The following PLEKHG1 variants were observed in gnomAD, a reference collection of about 807,000 sequenced individuals.
PLEKHG1 encodes pleckstrin homology and RhoGEF domain containing G1.
PLEKHG1 carries 44 observed loss-of-function variants against 100.8 expected under a neutral mutation model. The observed-to-expected ratio is 0.44, with a 90% CI of 0.34 to 0.56. PLEKHG1 has a LOEUF of 0.56. Ranked by LOEUF, PLEKHG1 falls within the 20% of genes least tolerant of loss-of-function variation. PLEKHG1 has a pLI of 0.01. For missense variants in PLEKHG1, 1,545 were observed against 1,720.9 expected (o/e 0.90, Z 1.81); for synonymous variants, 640 against 662.5 (o/e 0.97, Z 0.52).
intron 2 of PLEKHG1, among the ~76,000 whole-genome samples, chr6:150,755,087 C>A (rs1036363388): frequency 6.6e-6 from 1 of 152,052 alleles, no homozygotes; most frequent in Non-Finnish European, 1.5e-5. Context: ...GCAACCCTCC[C>A]GCCCTAGTTT....
Position 150,687,742 on chromosome 6 carries a change from C to T in PLEKHG1, c.-99+36956C>T, listed in dbSNP as rs538304664. 2.0e-5 allele frequency among the ~76,000 whole-genome samples: 3 copies of T among 152,290 alleles called. No individual in the cohort carries two copies. In the East Asian group the frequency reaches 5.8e-4, roughly 29 times the overall value. On this transcript the variant is annotated intron_variant, in intron 3 of 3. Transcript: ENST00000367326. Reference sequence around the variant, plus strand: ...TCTCAGAGCTGGCCTGCTGCCCCTCCATGCTCTCATCTGACCCCACGCCCT... The same window carrying T: ...TCTCAGAGCTGGCCTGCTGCCCCTCTATGCTCTCATCTGACCCCACGCCCT...
chr6:150,773,851 A>C (rs1288874376), intron 3 of PLEKHG1, among the ~76,000 whole-genome samples: 1 of 152,204 alleles, frequency 6.6e-6, no homozygotes, highest in East Asian at 1.9e-4. Context: ...CAAGCTTTTA[A>C]AATTTCCTTT....
chr6:150,657,628 A>G (rs1451020415), intron 3 of PLEKHG1, among the ~76,000 whole-genome samples: 2 of 152,214 alleles, frequency 1.3e-5, no homozygotes, highest in Non-Finnish European at 2.9e-5. Context: ...TTTCAAGGCT[A>G]TGTTTCAGAT....
intron 3 of PLEKHG1, among the ~76,000 whole-genome samples, chr6:150,665,854 A>G (rs923005456): frequency 5.3e-5 from 8 of 152,064 alleles, no homozygotes; most frequent in African/African-American, 1.7e-4. Context: ...TTGGGGTAGC[A>G]TGGGAAGCCC....
intron 2 of PLEKHG1, among the ~76,000 whole-genome samples, chr6:150,741,068 A>G (rs1394278314): frequency 1.3e-5 from 2 of 152,210 alleles, no homozygotes; most frequent in Admixed American, 1.3e-4. Flanking sequence ...TTGAGTGTTC[A>G]TATCTTCATA....
chr6:150,826,746 G>A (rs1776632325), intron 14 of PLEKHG1, among the ~76,000 whole-genome samples: 1 of 151,722 alleles, frequency 6.6e-6, no homozygotes, highest in Non-Finnish European at 1.5e-5. Context: ...TTAGGCTCAG[G>A]AATCCTCCCA....
At chr6:150,798,865 C>G (rs558863221) in intron 5 of PLEKHG1, among the ~76,000 whole-genome samples, 3 of 152,280 alleles carry the variant, frequency 2.0e-5, no homozygotes, top group African/African-American at 7.2e-5. Context: ...CTCAGCCTCC[C>G]AAGTAGCTGG....
chr6:150,783,184 A>G (rs1785420607), intron 3 of PLEKHG1, among the ~76,000 whole-genome samples: 1 of 151,332 alleles, frequency 6.6e-6, no homozygotes, highest in Non-Finnish European at 1.5e-5. Context: ...AAAAAAAAAA[A>G]AAGGGAAATA....
intron 2 of PLEKHG1, among the ~76,000 whole-genome samples, chr6:150,762,010 A>AT (rs990038401): frequency 9.9e-5 from 15 of 152,226 alleles, no homozygotes; most frequent in South Asian, 2.1e-4. Flanking sequence ...CATTCCTGAC[A>AT]TTTTTTACCA....
chr6:150,807,902 G>A (rs1261686475), intron 7 of PLEKHG1, among the ~76,000 whole-genome samples: 1 of 152,180 alleles, frequency 6.6e-6, no homozygotes, highest in Non-Finnish European at 1.5e-5. Context: ...CCAGGAGGGA[G>A]AGGTTGCAGT....
Position 150,825,757 on chromosome 6 carries a change from G to C in PLEKHG1, c.1470+2081G>C, listed in dbSNP as rs573082055. Among the ~76,000 whole-genome samples, 10 of 152,298 alleles carry C rather than the reference G, an allele frequency of 6.6e-5. No individual in the cohort carries two copies. The East Asian group carries it at 1.3e-3, about 21-fold the overall frequency. On this transcript the variant is annotated intron_variant, in intron 14 of 15. Coordinates refer to ENST00000358517, the Ensembl canonical transcript of PLEKHG1. ...CCATTTATAAACTGTGTGACTACAG[G>C]CAAATTGCTTAACCTTACCAGGACT...
intron 1 of PLEKHG1, among the ~76,000 whole-genome samples, chr6:150,609,496 C>A (rs1223648726): frequency 6.6e-6 from 1 of 152,094 alleles, no homozygotes; most frequent in Non-Finnish European, 1.5e-5. Context: ...AAAAGCAAGG[C>A]AGCCAGTGTG....
intron 2 of PLEKHG1, among the ~76,000 whole-genome samples, chr6:150,639,056 T>C (rs558036458): frequency 6.6e-6 from 1 of 152,350 alleles, no homozygotes; most frequent in South Asian, 2.1e-4. Context: ...TTGGGAAGGC[T>C]TTAACTTATA....
At chr6:150,719,215 C>G (rs1215393264), upstream of PLEKHG1, among the ~76,000 whole-genome samples, 1 of 152,094 alleles carries the variant, frequency 6.6e-6, no homozygotes, top group South Asian at 2.1e-4. Context: ...CACACAGCAA[C>G]TTTGCTGTCT....
chr6:150,812,849 ATC>A (rs375328952), intron 10 of PLEKHG1, among the ~76,000 whole-genome samples: 48 of 152,146 alleles, frequency 3.2e-4, no homozygotes, highest in African/African-American at 9.9e-4. Flanking sequence ...GGCTGGAAGC[ATC>A]TCTCTGAACC....
chr6:150,723,019 A>G (rs1781779320), intron 1 of PLEKHG1, among the ~76,000 whole-genome samples: 1 of 152,160 alleles, frequency 6.6e-6, no homozygotes, highest in African/African-American at 2.4e-5. Context: ...TTCATCATCC[A>G]AGACCTGGCA....
intron 2 of PLEKHG1, among the ~76,000 whole-genome samples, chr6:150,759,446 T>C (rs896047029): frequency 3.3e-5 from 5 of 152,174 alleles, no homozygotes; most frequent in Admixed American, 6.5e-5. Context: ...CCCCTCCTCC[T>C]GTTTAAATAT....
At chr6:150,698,944 G>A (rs964893180) in intron 3 of PLEKHG1, among the ~76,000 whole-genome samples, 10 of 152,166 alleles carry the variant, frequency 6.6e-5, no homozygotes, top group Admixed American at 1.3e-4. Flanking sequence ...AATATGTATC[G>A]TTTTCTCATA....
chr6:150,752,073 C>A (rs1174757001), intron 2 of PLEKHG1, among the ~76,000 whole-genome samples: 1 of 152,074 alleles, frequency 6.6e-6, no homozygotes, highest in Admixed American at 6.6e-5. Flanking sequence ...GTAATCCCAG[C>A]TGCTCGGGAG....
Sources: gnomAD v4.1 joint callset for allele counts (sites outside exome capture counted in the v4.1 genomes callset) on GRCh38, gnomAD v4.1.1 for gene constraint, MANE v1.5 for transcripts, NCBI Gene and HGNC (gene_info 2026-07-23, HGNC 2026-07-21) for gene names.